Variants in CATSPERD observed in about 807,000 individuals in gnomAD.
CATSPERD encodes catsper channel auxiliary subunit delta, also known as cation channel sperm-associated auxiliary subunit delta.
CATSPERD carries 86 observed loss-of-function variants against 98.1 expected under a neutral mutation model. The observed-to-expected ratio is 0.88, with a 90% CI of 0.74 to 1.05. The LOEUF (loss-of-function observed/expected upper bound fraction) is 1.05, where lower values mean the gene tolerates loss of function less well. Among genes scored for constraint, CATSPERD ranks in the 50% least tolerant of loss-of-function variants. CATSPERD has a pLI of 0.00. For synonymous variants in CATSPERD, 394 were observed against 390.2 expected, an observed-to-expected ratio of 1.01 and a Z score of -0.12; for missense variants, 995 against 1,005.7, an observed-to-expected ratio of 0.99 and a Z score of 0.14.
chr19:5,774,646 A>AC (rs1207497334), intron 20 of CATSPERD, among the ~76,000 whole-genome samples: 7 of 152,260 alleles, frequency 4.6e-5, no homozygotes, highest in Non-Finnish European at 8.8e-5. Flanking sequence ...CCGAAACTGC[A>AC]CCACTGCACT....
At chr19:5,754,722 C>G (rs965503527) in intron 13 of CATSPERD, among the ~76,000 whole-genome samples, 1 of 151,708 alleles carries the variant, frequency 6.6e-6, no homozygotes, top group Admixed American at 6.6e-5. Flanking sequence ...TCCCCCTCGA[C>G]GTGCCTCTGC....
intron 7 of CATSPERD, among the ~76,000 whole-genome samples, chr19:5,743,812 C>A (rs531955117): frequency 2.6e-5 from 4 of 151,878 alleles, no homozygotes; most frequent in Non-Finnish European, 4.4e-5. Flanking sequence ...ATTCCTGTTC[C>A]AAGTCAGCTG....
chr19:5,749,286 G>A (rs142056289), intron 11 of CATSPERD, 103 bp downstream of exon 11: 1 of 684,522 alleles, frequency 1.5e-6, no homozygotes, highest in East Asian at 3.9e-5. Context: ...GAGGTCAGGA[G>A]TTCAAGACCA....
chr19:5,738,573 C>T (rs1210842282), intron 6 of CATSPERD, among the ~76,000 whole-genome samples: 1 of 152,028 alleles, frequency 6.6e-6, no homozygotes, highest in Non-Finnish European at 1.5e-5. Flanking sequence ...TACTAATAGC[C>T]TACTGTTGCC....
At chr19:5,720,835 GGGGTGCTGCCGGGGGTCGGGA>G in intron 1 of CATSPERD, 27 bp downstream of exon 1, 1 of 1,585,204 alleles carries the variant, frequency 6.3e-7, no homozygotes, top group Non-Finnish European at 8.5e-7. Flanking sequence ...TCCTGGGGCT[GGGGTGCTGCCGGGGGTCGGGA>G]GGGTGCTGGT....
At chr19:5,739,564 G>A (rs1057228130) in intron 7 of CATSPERD, 125 bp downstream of exon 7, 37 of 556,142 alleles carry the variant, frequency 6.7e-5, no homozygotes, top group Non-Finnish European at 1.1e-4. Flanking sequence ...AGGAGTGGTG[G>A]CTCATGCCTG....
At chr19:5,725,641 C>G (rs1413005951) in intron 2 of CATSPERD, among the ~76,000 whole-genome samples, 2 of 152,100 alleles carry the variant, frequency 1.3e-5, no homozygotes, top group African/African-American at 2.4e-5. Flanking sequence ...GTGGCTTATG[C>G]CTGTAATCCC....
intron 20 of CATSPERD, 81 bp from the exon 21 acceptor site, chr19:5,776,080 A>G (rs2056736522): frequency 1.4e-6 from 2 of 1,475,974 alleles, no homozygotes; most frequent in African/African-American, 2.8e-5. Flanking sequence ...GGGTGGGTGC[A>G]GGGCCTCCGC....
In CATSPERD at chr19:5,777,240, G is replaced by A. The variant is rs538934813; in HGVS notation, c.2096+925G>A. The stretch of plus-strand genomic sequence containing the variant: ...CGTGGAGGTCCTGCCTTCTCTAGAG[G>A]CCCCAGACTAGGAGGATCAGCTCCG... On this transcript the variant is annotated intron_variant, in intron 21 of 21. Coordinates refer to ENST00000381624, the MANE Select transcript of CATSPERD (RefSeq NM_152784.4). Among the ~76,000 whole-genome samples the A allele has an allele frequency of 1.1e-4, 17 of 152,234 alleles. No individual in the cohort carries two copies. In the South Asian group the frequency reaches 3.5e-3, roughly 32 times the overall value.
chr19:5,747,153 C>A (rs537731730), intron 9 of CATSPERD, among the ~76,000 whole-genome samples: 10 of 148,378 alleles, frequency 6.7e-5, no homozygotes, highest in East Asian at 3.9e-4. Flanking sequence ...CCTGTTTTAT[C>A]CTCACAATGG....
chr19:5,735,844 G>A (rs145779876), intron 5 of CATSPERD, among the ~76,000 whole-genome samples: 3,002 of 141,206 alleles, frequency 0.021, 108 homozygotes, highest in African/African-American at 0.075. Flanking sequence ...GCAGTGGCGC[G>A]ATCTCGGCTC....
Position 5,754,134 on chromosome 19 carries a change from A to G in CATSPERD, c.1167A>G (p.Ile389Met), listed in dbSNP as rs937702329. ...TTCTTCTTCGCCTTTTTAACTAGAT[A>G]GAGTTTCTGACAGGAGAATTTATAT... ...DPELHVGKCK[I>M]EFLTGEFIYR... The change falls in exon 13 of 22, where the codon ATA becomes ATG. Residue 389 changes from isoleucine (I) to methionine (M), a missense_variant and splice_region_variant. Physicochemically the swap from Ile to Met is conservative, Grantham distance 10 (BLOSUM62 1). Coordinates refer to ENST00000381624, the MANE Select transcript of CATSPERD (RefSeq NM_152784.4). The G allele has an allele frequency of 6.3e-7, 1 of 1,595,968 alleles. No homozygotes were observed. The highest frequency in any genetic ancestry group is 8.6e-7 in the Non-Finnish European group (1 of 1,163,484).
intron 17 of CATSPERD, among the ~76,000 whole-genome samples, chr19:5,767,883 G>T (rs992426153): frequency 6.6e-6 from 1 of 151,834 alleles, no homozygotes; most frequent in Non-Finnish European, 1.5e-5. Flanking sequence ...TGCAACCTCC[G>T]CCTCCCAGGT....
intron 13 of CATSPERD, among the ~76,000 whole-genome samples, chr19:5,757,294 CT>C (rs1180229500): frequency 4.0e-5 from 4 of 98,800 alleles, no homozygotes; most frequent in Admixed American, 1.6e-4. Context: ...GCATTTTCAA[CT>C]TCTTTTTTTT....
chr19:5,734,015 C>A, intron 5 of CATSPERD, 45 bp downstream of exon 5: 1 of 1,176,384 alleles, frequency 8.5e-7, no homozygotes, highest in Non-Finnish European at 1.2e-6. Context: ...GTGTAGTCAA[C>A]ATGAGAGAAG....
chr19:5,743,683 C>CCTCTCTCTCTCTCT (rs146743330), intron 7 of CATSPERD, among the ~76,000 whole-genome samples: 1 of 144,010 alleles, frequency 6.9e-6, no homozygotes, highest in Non-Finnish European at 1.5e-5. Context: ...TCTCTCTCTT[C>CCTCTCTCTCTCTCT]CTCTCTCTCT....
At chr19:5,727,575 G>T (rs2055629277) in intron 3 of CATSPERD, among the ~76,000 whole-genome samples, 1 of 152,016 alleles carries the variant, frequency 6.6e-6, no homozygotes, top group Non-Finnish European at 1.5e-5. Flanking sequence ...AAAGATGCTT[G>T]GTATAAGCAC....
chr19:5,751,531 CAAAAAAAAAAAAAAAAAAAA>C (rs57266365), intron 11 of CATSPERD, 96 bp from the exon 12 acceptor site: 69 of 159,344 alleles, frequency 4.3e-4, no homozygotes, highest in Non-Finnish European at 4.7e-4. Flanking sequence ...GAGACTCCAT[CAAAAAAAAAAAAAAAAAAAA>C]AAAAAAAAAA....
chr19:5,731,425 T>G (rs2145696611), intron 4 of CATSPERD, among the ~76,000 whole-genome samples: 1 of 152,178 alleles, frequency 6.6e-6, no homozygotes, highest in African/African-American at 2.4e-5. Context: ...AGCTAGAGGT[T>G]GCAGTGAGCT....
Sources: allele counts gnomAD v4.1 joint callset (sites outside exome capture counted in the v4.1 genomes callset), GRCh38; gene constraint gnomAD v4.1.1; transcripts MANE v1.5; gene names NCBI Gene and HGNC (gene_info 2026-07-23, HGNC 2026-07-21).